MPRIP: variants seen among roughly 807,000 people sequenced by gnomAD.
The protein encoded by MPRIP is myosin phosphatase Rho interacting protein.
Under a neutral mutation model 234.9 loss-of-function variants are expected in MPRIP, and 59 were observed. That is an observed-to-expected ratio of 0.25 (90% CI 0.20 to 0.31). The LOEUF (loss-of-function observed/expected upper bound fraction) is 0.31, where lower values mean the gene tolerates loss of function less well. Ranked by LOEUF, MPRIP falls within the 10% of genes least tolerant of loss-of-function variation. MPRIP has a pLI of 1.00. For synonymous variants in MPRIP, 1,144 were observed against 1,263.9 expected (o/e 0.91, Z 2.01); for missense variants, 2,436 against 3,071.0 (o/e 0.79, Z 4.89).
intron 21 of MPRIP, 28 bp downstream of exon 21, chr17:17,176,540 G>A (rs773780174): frequency 6.3e-7 from 1 of 1,579,884 alleles, no homozygotes; most frequent in Non-Finnish European, 8.7e-7. Context: ...CAGGAGGGCG[G>A]GTACGGGAAC....
Position 17,191,317 on chromosome 17 carries a change from AGGG to A in MPRIP, c.*6424_*6426del, listed in dbSNP as rs1226811707. The A allele has an allele frequency of 6.6e-6, 1 of 152,248 alleles. No homozygotes were observed. 9.4% of individuals were successfully genotyped at this position (152,248 alleles called of 1,614,324 possible). A position where few individuals can be genotyped will look rare whatever the true frequency, so the allele number is the denominator to read the frequency against. Reference sequence around the variant, plus strand: ...TGGTTGAAGGCACAGTTCTGGGATCAGGGTCTAAATGTGCAGTTTCTGAGAACC... The same window carrying A: ...TGGTTGAAGGCACAGTTCTGGGATCATCTAAATGTGCAGTTTCTGAGAACC... On this transcript the variant is annotated 3_prime_UTR_variant, in exon 24 of 24. Coordinates refer to ENST00000651222, the MANE Select transcript of MPRIP (RefSeq NM_001364716.4).
intron 1 of MPRIP, among the ~76,000 whole-genome samples, chr17:17,068,172 T>A (rs750393083): frequency 5.4e-4 from 82 of 152,214 alleles, no homozygotes; most frequent in Non-Finnish European, 7.9e-4. Context: ...TTTTTTGAGA[T>A]GAAGTTTCGC....
At chr17:17,085,726 C>A (rs533738187) in intron 3 of MPRIP, among the ~76,000 whole-genome samples, 1 of 152,218 alleles carries the variant, frequency 6.6e-6, no homozygotes, top group African/African-American at 2.4e-5. Flanking sequence ...ATCTAGCTAA[C>A]ACGGTGAAAC....
Position 17,166,617 on chromosome 17 carries a change from A to C in MPRIP, c.5026A>C (p.Thr1676Pro). 2 of 1,304,068 alleles carry C rather than the reference A, an allele frequency of 1.5e-6. No homozygotes were observed. The highest frequency in any genetic ancestry group is 2.0e-6 in the Non-Finnish European group (2 of 988,884). The allele number at this position is 1,304,068 out of a possible 1,614,324, so 80.8% of individuals were successfully genotyped here. ...GGTCAGGGCAGAGCTCAGCTTTGCC[A>C]CACAGTCAGTGAGGGAGTCGTTCCA... ...TWVRAELSFA[T>P]QSVRESFHRR... The change falls in exon 16 of 24, where the codon ACA becomes CCA. Residue 1676 changes from threonine (T) to proline (P), a missense_variant. Around this residue, in one of 4 missense-constraint regions of MPRIP, gnomAD observed 1,998 missense variants for 2,520.3 expected, o/e 0.79. Coordinates refer to ENST00000651222, the MANE Select transcript of MPRIP (RefSeq NM_001364716.4). This position sits in a 1 kb window ranked among gnomAD's most constrained non-coding sequence, Gnocchi z 4.4.
chr17:17,048,446 A>G (rs2088426641), intron 1 of MPRIP, among the ~76,000 whole-genome samples: 1 of 152,144 alleles, frequency 6.6e-6, no homozygotes, highest in Admixed American at 6.5e-5. Context: ...CTTAATGTGT[A>G]TCTCAGAAAC....
chr17:17,142,568 C>A, intron 7 of MPRIP, 59 bp from the exon 8 acceptor site: 1 of 1,588,088 alleles, frequency 6.3e-7, no homozygotes, highest in Non-Finnish European at 8.6e-7. Flanking sequence ...GGAGTCGGCT[C>A]ACTGCCACCT....
intron 12 of MPRIP, among the ~76,000 whole-genome samples, chr17:17,151,202 C>T (rs1597466374): frequency 6.6e-6 from 1 of 151,960 alleles, no homozygotes; most frequent in African/African-American, 2.4e-5. Flanking sequence ...GTTGTGAGTC[C>T]GGAGGTTTCC....
chr17:17,146,118 C>T (rs773295823), intron 10 of MPRIP, 26 bp downstream of exon 10: 1 of 1,609,910 alleles, frequency 6.2e-7, no homozygotes, highest in Non-Finnish European at 8.5e-7. Context: ...TGCCGTGGCC[C>T]CTGAGGGATC....
intron 23 of MPRIP, among the ~76,000 whole-genome samples, chr17:17,183,592 C>T (rs1483012039): frequency 6.6e-6 from 1 of 152,198 alleles, no homozygotes; most frequent in Non-Finnish European, 1.5e-5. Flanking sequence ...TTTACACAGA[C>T]ACATAGCTCC....
chr17:17,082,062 G>A (rs1413718551), intron 3 of MPRIP, among the ~76,000 whole-genome samples: 1 of 152,022 alleles, frequency 6.6e-6, no homozygotes, highest in Non-Finnish European at 1.5e-5. Context: ...GTAAAGTGCT[G>A]CCCATGATTT....
chr17:17,046,688 A>G (rs1262743445), intron 1 of MPRIP, among the ~76,000 whole-genome samples: 1 of 152,098 alleles, frequency 6.6e-6, no homozygotes, highest in East Asian at 1.9e-4. Flanking sequence ...GTTGATTTGT[A>G]GGAGCTTTCT....
rs766915333 is a variant in MPRIP at position 17,146,051 on chromosome 17, T to A, written c.1519T>A (p.Phe507Ile). 1 of 1,614,114 alleles carries A rather than the reference T, an allele frequency of 6.2e-7. No individual in the cohort carries two copies. Among genetic ancestry groups the A allele is most frequent in the Non-Finnish European group, 8.5e-7 (1 of 1,180,012 alleles). The change falls in exon 10 of 24, where the codon TTC becomes ATC. Residue 507 changes from phenylalanine to isoleucine, a missense_variant. Physicochemically the swap from Phe to Ile is conservative, Grantham distance 21. Transcript: ENST00000651222. ...CCTTTCTCAGCCCGACCTGCTGAAT[T>A]TCAAGAAAGGCTGGCTGACTAAGCA... ...EPSVTPDLLN[F>I]KKGWLTKQYE...
chr17:17,063,398 G>C (rs1011330314), intron 1 of MPRIP, among the ~76,000 whole-genome samples: 1 of 152,194 alleles, frequency 6.6e-6, no homozygotes, highest in African/African-American at 2.4e-5. Flanking sequence ...GCCTGGAGCC[G>C]GTTAGTGTTC....
chr17:17,180,626 C>T, intron 23 of MPRIP: 2 of 1,614,042 alleles, frequency 1.2e-6, no homozygotes, highest in Non-Finnish European at 1.7e-6. Context: ...GAGCAGGTCT[C>T]GTGGGATACC....
chr17:17,166,668 A>G lies in MPRIP; in HGVS notation c.5077A>G (p.Thr1693Ala), dbSNP rs1165219970. The G allele has an allele frequency of 7.7e-7, 1 of 1,303,918 alleles. No individual in the cohort carries two copies. Among genetic ancestry groups the G allele is most frequent in the Non-Finnish European group, 1.0e-6 (1 of 988,958 alleles). 80.8% of individuals were successfully genotyped at this position (1,303,918 alleles called of 1,614,324 possible). A position where few individuals can be genotyped will look rare whatever the true frequency, so the allele number is the denominator to read the frequency against. ...CCGCAGGCTACAGAGCATCCAGGAG[A>G]CCCTGCGGGGCACCCAGACGGCCCT... ...FHRRLQSIQE[T>A]LRGTQTALRQ... Residue 1693 changes from threonine to alanine, a missense_variant, in exon 16 of 24, where the codon ACC becomes GCC. By Grantham distance (58) the Thr-to-Ala change is moderately conservative. Coordinates refer to ENST00000651222, the MANE Select transcript of MPRIP (RefSeq NM_001364716.4). The surrounding 1 kb of genome is among the most constrained non-coding windows in gnomAD (Gnocchi z 4.4).
chr17:17,107,186 G>C (rs2090079406), intron 3 of MPRIP, among the ~76,000 whole-genome samples: 1 of 152,250 alleles, frequency 6.6e-6, no homozygotes, highest in Admixed American at 6.5e-5. Context: ...TTTAGAGTGA[G>C]GGGGTGGATT....
intron 1 of MPRIP, among the ~76,000 whole-genome samples, chr17:17,063,720 C>T (rs1038783226): frequency 3.9e-5 from 6 of 152,192 alleles, no homozygotes; most frequent in East Asian, 1.9e-4. Context: ...ATCTTGTCAC[C>T]GACTGTTCCC....
chr17:17,179,517 CTGTT>C (rs1229682452), intron 22 of MPRIP: 1 of 151,970 alleles, frequency 6.6e-6, no homozygotes, highest in African/African-American at 2.4e-5. Context: ...GACTCAGTAT[CTGTT>C]TGTGTTACAG....
intron 1 of MPRIP, chr17:17,057,968 G>A (rs564291198): frequency 2.3e-6 from 1 of 439,708 alleles, no homozygotes; most frequent in South Asian, 3.1e-5. Context: ...CCCAACTTAA[G>A]AAAGAGAACA....
Sources: allele counts gnomAD v4.1 joint callset (sites outside exome capture counted in the v4.1 genomes callset), GRCh38; gene constraint gnomAD v4.1.1; regional missense constraint gnomAD v4.1.1; non-coding constraint Gnocchi (gnomAD v3.1); transcripts MANE v1.5; gene names NCBI Gene and HGNC (gene_info 2026-07-23, HGNC 2026-07-21).